Variants in PRMT8 observed in about 807,000 individuals in gnomAD.
PRMT8 encodes the protein protein arginine N-methyltransferase 8.
A neutral mutation model predicts 47.1 loss-of-function variants in PRMT8; 7 were observed. The observed-to-expected ratio is 0.15, with a 90% CI of 0.08 to 0.28. The LOEUF is 0.28. Among genes scored for constraint, PRMT8 ranks in the 10% least tolerant of loss-of-function variants. PRMT8 has a pLI of 1.00. For missense variants in PRMT8, 237 were observed against 505.4 expected, an observed-to-expected ratio of 0.47 and a Z score of 5.09; for synonymous variants, 188 against 186.5, an observed-to-expected ratio of 1.01 and a Z score of -0.07.
chr12:3,428,576 G>A (rs1420402322), intron 1 of PRMT8, among the ~76,000 whole-genome samples: 4 of 152,072 alleles, frequency 2.6e-5, no homozygotes, highest in African/African-American at 7.2e-5. Context: ...ATAGGGTCAC[G>A]GAGAAGACCT....
intron 1 of PRMT8, among the ~76,000 whole-genome samples, chr12:3,515,780 C>T (rs1448140667): frequency 3.3e-5 from 5 of 152,338 alleles, no homozygotes; most frequent in South Asian, 4.1e-4. Context: ...GCTTGCTCTG[C>T]GAAACAGGCT....
At chr12:3,465,285 T>C in intron 1 of PRMT8, among the ~76,000 whole-genome samples, 1 of 113,216 alleles carries the variant, frequency 8.8e-6, no homozygotes, top group Admixed American at 1.1e-4. Context: ...ATAAAAAATA[T>C]ATAATATATA....
intron 1 of PRMT8, among the ~76,000 whole-genome samples, chr12:3,485,452 TG>T (rs1031529400): frequency 1.4e-4 from 22 of 152,298 alleles, no homozygotes; most frequent in African/African-American, 4.8e-4. Context: ...AATATCACTT[TG>T]GGGGAAACTA....
chr12:3,592,390 G>A (rs1407411987), intron 9 of PRMT8, 38 bp downstream of exon 9: 2 of 1,583,578 alleles, frequency 1.3e-6, no homozygotes, highest in Admixed American at 3.7e-5. Flanking sequence ...AGGGAGAAGG[G>A]CCCCACAGAG....
chr12:3,436,896 A>G lies in PRMT8; in HGVS notation c.48+55454A>G, dbSNP rs1456829056. ...ATTCCTGCTTCTGGGCAGCCTGCCC[A>G]GCTGGTGGGGTGTCCCAGTGGATGG... is the stretch of plus-strand genomic sequence containing the variant. On this transcript the variant is annotated intron_variant, in intron 1 of 9. Transcript: ENST00000452611. This position sits in a 1 kb window ranked among gnomAD's most constrained non-coding sequence, Gnocchi z 4.2. Among the ~76,000 whole-genome samples the G allele has an allele frequency of 2.6e-5, 4 of 152,216 alleles. No individual in the cohort carries two copies. Among genetic ancestry groups the G allele is most frequent in the Non-Finnish European group, 4.4e-5 (3 of 68,024 alleles).
intron 2 of PRMT8, among the ~76,000 whole-genome samples, chr12:3,547,109 G>A (rs1380627327): frequency 2.0e-5 from 3 of 152,056 alleles, no homozygotes; most frequent in African/African-American, 7.2e-5. Context: ...AAAATGGAAG[G>A]GAACTTCTTC....
intron 3 of PRMT8, 71 bp from the exon 4 acceptor site, chr12:3,553,580 C>A: frequency 7.9e-7 from 1 of 1,272,516 alleles, no homozygotes; most frequent in Non-Finnish European, 1.1e-6. Context: ...GCGTCTCTAT[C>A]CATTGAATCG....
chr12:3,484,821 A>G (rs1167611838), intron 1 of PRMT8, among the ~76,000 whole-genome samples: 1 of 152,182 alleles, frequency 6.6e-6, no homozygotes, highest in Non-Finnish European at 1.5e-5. Flanking sequence ...GTTGAGGGCA[A>G]TGGGTAAGTC....
rs535519885 is a variant in PRMT8 at position 3,553,800 on chromosome 12, C to T, written c.481+86C>T. 246 of 1,279,948 alleles carry T rather than the reference C, an allele frequency of 1.9e-4. 2 individuals carry two copies. Among genetic ancestry groups the T allele is most frequent in the Admixed American group, 3.4e-4 (20 of 58,746 alleles). The allele number at this position is 1,279,948 out of a possible 1,614,324, so 79.3% of individuals were successfully genotyped here. A position where few individuals can be genotyped will look rare whatever the true frequency, so the allele number is the denominator to read the frequency against. Reference sequence around the variant, plus strand: ...TGTTGGGATGGCATAGCGGGAGGAGCGCAGAGCACTTGGACTTGGGGAGGT... The same window carrying T: ...TGTTGGGATGGCATAGCGGGAGGAGTGCAGAGCACTTGGACTTGGGGAGGT... On this transcript the variant is annotated intron_variant, in intron 4 of 9. Transcript: ENST00000382622.
chr12:3,547,848 A>G (rs901853933), intron 2 of PRMT8, among the ~76,000 whole-genome samples: 30 of 152,230 alleles, frequency 2.0e-4, no homozygotes, highest in African/African-American at 7.0e-4. Flanking sequence ...AAATTGATCT[A>G]TAGATTTAAT....
chr12:3,585,174 C>T (rs1867143222), intron 8 of PRMT8, among the ~76,000 whole-genome samples: 1 of 151,968 alleles, frequency 6.6e-6, no homozygotes, highest in Admixed American at 6.6e-5. Context: ...GATGATATGA[C>T]CCCTGCCCTT....
chr12:3,574,302 G>T (rs1250562460), intron 6 of PRMT8, among the ~76,000 whole-genome samples: 1 of 152,240 alleles, frequency 6.6e-6, no homozygotes, highest in African/African-American at 2.4e-5. Context: ...AGACAGTAAA[G>T]ATCATGTACC....
intron 1 of PRMT8, among the ~76,000 whole-genome samples, chr12:3,416,640 A>T (rs1864486442): frequency 6.6e-6 from 1 of 152,188 alleles, no homozygotes; most frequent in Non-Finnish European, 1.5e-5. Flanking sequence ...TCTTTACAGG[A>T]GCCTGTTAAA....
chr12:3,404,057 C>T (rs1287041582), intron 1 of PRMT8, among the ~76,000 whole-genome samples: 3 of 152,030 alleles, frequency 2.0e-5, no homozygotes, highest in South Asian at 2.1e-4. Flanking sequence ...CCAAATTCAA[C>T]AAATGTTGAC....
intron 1 of PRMT8, among the ~76,000 whole-genome samples, chr12:3,394,390 T>C (rs1246379666): frequency 1.3e-5 from 2 of 152,142 alleles, no homozygotes; most frequent in Non-Finnish European, 2.9e-5. Context: ...GTCCCATCAA[T>C]ACCTAATTTA....
At chr12:3,391,167 T>C (rs1445781585) in intron 1 of PRMT8, among the ~76,000 whole-genome samples, 1 of 152,208 alleles carries the variant, frequency 6.6e-6, no homozygotes, top group Non-Finnish European at 1.5e-5. Flanking sequence ...ACCTATTATG[T>C]GCCCGGTGCT....
intron 1 of PRMT8, among the ~76,000 whole-genome samples, chr12:3,496,966 T>C (rs891327657): frequency 1.3e-5 from 2 of 151,326 alleles, no homozygotes; most frequent in Non-Finnish European, 2.9e-5. Context: ...GAGTCCTAAA[T>C]TGGCTTTTGG....
rs374098818 is a variant in PRMT8 at position 3,491,525 on chromosome 12, AT to A, written c.-90del. On this transcript the variant is annotated 5_prime_UTR_variant, in exon 1 of 10. Transcript: ENST00000382622. ...CGCTCCAGCTGAGGGGCTGGGTTGG[AT>A]TTTTTTTTTTCTCCCATCCTCTCGC... is the stretch of plus-strand genomic sequence containing the variant. The A allele has an allele frequency of 0.014, 14,368 of 1,053,654 alleles. No individual in the cohort carries two copies. The highest frequency in any genetic ancestry group is 0.038 in the South Asian group (1,844 of 48,300). 65.3% of individuals were successfully genotyped at this position (1,053,654 alleles called of 1,614,324 possible). A position where few individuals can be genotyped will look rare whatever the true frequency, so the allele number is the denominator to read the frequency against.
chr12:3,454,564 C>G (rs4766123), intron 1 of PRMT8, among the ~76,000 whole-genome samples: 31,392 of 152,008 alleles, frequency 0.21, 3,549 homozygotes, highest in Middle Eastern at 0.27. Context: ...CCAGGGAAGA[C>G]GGGGCGGGCA....
Sources: gnomAD v4.1 joint callset for allele counts (sites outside exome capture counted in the v4.1 genomes callset) on GRCh38, gnomAD v4.1.1 for gene constraint, Gnocchi (gnomAD v3.1) non-coding constraint, MANE v1.5 for transcripts, NCBI Gene and HGNC (gene_info 2026-07-23, HGNC 2026-07-21) for gene names.